Variants in GSDMC observed in about 807,000 individuals in gnomAD.
GSDMC encodes the protein gasdermin-C.
Under a neutral mutation model 58.0 loss-of-function variants are expected in GSDMC, and 59 were observed. That is an observed-to-expected ratio of 1.02 (90% CI 0.82 to 1.26). GSDMC has a LOEUF of 1.26. Among genes scored for constraint, GSDMC ranks in the 50% most tolerant of loss-of-function variants. GSDMC has a pLI of 0.00. For missense variants in GSDMC, 659 were observed against 598.5 expected (o/e 1.10, Z -1.06); for synonymous variants, 241 against 220.2 (o/e 1.09, Z -0.83).
chr8:129,723,020 C>G, the GSDMC span: 1 of 152,138 alleles, frequency 6.6e-6, no homozygotes, highest in African/African-American at 2.4e-5. Context: ...GTGTAAGCAC[C>G]ACTGAAAGCA....
At chr8:129,732,397 G>C in the GSDMC span, among the ~76,000 whole-genome samples, 15 of 151,404 alleles carry the variant, frequency 9.9e-5, no homozygotes, top group South Asian at 1.9e-3. Context: ...GGGGGGAAAA[G>C]GGAAAGAAAA....
chr8:129,706,765 T>G, the GSDMC span, among the ~76,000 whole-genome samples: 2 of 152,214 alleles, frequency 1.3e-5, no homozygotes, highest in African/African-American at 4.8e-5. Context: ...GAAGAGAGGC[T>G]ACATTGCTCT....
At chr8:129,730,646 C>T in the GSDMC span, among the ~76,000 whole-genome samples, 1 of 152,206 alleles carries the variant, frequency 6.6e-6, no homozygotes, top group African/African-American at 2.4e-5. Flanking sequence ...AGATGGTCCT[C>T]AATTTACATT....
the GSDMC span, chr8:129,728,840 G>A: frequency 2.5e-5 from 15 of 597,178 alleles, no homozygotes; most frequent in African/African-American, 5.4e-5. Flanking sequence ...GAGGTAGCCC[G>A]CTGCTGGAGA....
At chr8:129,767,482 C>G (rs183220843) in intron 3 of GSDMC, among the ~76,000 whole-genome samples, 15 of 152,256 alleles carry the variant, frequency 9.9e-5, no homozygotes, top group African/African-American at 2.9e-4. Flanking sequence ...ATGAAGGAGC[C>G]TGATCAAGAA....
At chr8:129,706,246 G>A in the GSDMC span, among the ~76,000 whole-genome samples, 14 of 151,968 alleles carry the variant, frequency 9.2e-5, no homozygotes, top group African/African-American at 3.4e-4. Context: ...GAATTACAGA[G>A]GGTTGCCAAC....
the GSDMC span, chr8:129,728,910 G>T: frequency 1.5e-6 from 1 of 662,560 alleles, no homozygotes; most frequent in South Asian, 1.5e-5. Context: ...AGGGTCTGAA[G>T]CCCATTTGAA....
At chr8:129,706,611 G>A in the GSDMC span, 4 of 152,266 alleles carry the variant, frequency 2.6e-5, no homozygotes, top group South Asian at 8.3e-4. Context: ...GTATATCTGT[G>A]GAAGGAATGA....
the GSDMC span, among the ~76,000 whole-genome samples, chr8:129,722,367 G>A: frequency 1.3e-5 from 2 of 152,156 alleles, no homozygotes; most frequent in African/African-American, 4.8e-5. Flanking sequence ...TAGCCCAACT[G>A]GACACCTTGG....
chr8:129,760,549 T>G lies in GSDMC; in HGVS notation c.717A>C (p.Gln239His). ...AGACCAGGCTTTGGAACTCACCATC[T>G]TGAAAGGTTCTCTGTTCATCATCAT... ...ISDDDEQRTF[Q>H]DEYEISEMVG... is the part of the protein sequence containing the mutation. Residue 239 changes from glutamine (Q) to histidine (H), a missense_variant, in exon 6 of 14, where the codon CAA becomes CAC. By Grantham distance (24) the Gln-to-His change is conservative (BLOSUM62 0). Transcript: ENST00000276708. 1 of 1,590,820 alleles carries G rather than the reference T, an allele frequency of 6.3e-7. No individual in the cohort carries two copies. Among genetic ancestry groups the G allele is most frequent in the Non-Finnish European group, 8.6e-7 (1 of 1,159,918 alleles).
At chr8:129,724,503 C>T in the GSDMC span, among the ~76,000 whole-genome samples, 1 of 151,300 alleles carries the variant, frequency 6.6e-6, no homozygotes, top group Non-Finnish European at 1.5e-5. Context: ...GAGATGACAG[C>T]TTATTAAAAT....
intron 4 of GSDMC, among the ~76,000 whole-genome samples, chr8:129,765,233 G>T (rs537466585): frequency 1.3e-5 from 2 of 152,242 alleles, no homozygotes; most frequent in African/African-American, 4.8e-5. Flanking sequence ...TTACCTTAGA[G>T]TTTAAAGTAC....
chr8:129,774,266 T>C (rs2034151653), intron 3 of GSDMC, among the ~76,000 whole-genome samples: 1 of 152,120 alleles, frequency 6.6e-6, no homozygotes, highest in Non-Finnish European at 1.5e-5. Context: ...GATCAACTAA[T>C]ATCTGACAAG....
chr8:129,731,779 C>T, the GSDMC span, among the ~76,000 whole-genome samples: 1 of 152,052 alleles, frequency 6.6e-6, no homozygotes, highest in Non-Finnish European at 1.5e-5. Flanking sequence ...AAAGTTTGAC[C>T]TTATAACTGG....
intron 1 of GSDMC, among the ~76,000 whole-genome samples, chr8:129,780,233 A>G (rs955885338): frequency 1.3e-5 from 2 of 152,192 alleles, no homozygotes; most frequent in African/African-American, 4.8e-5. Context: ...GTTTATGCAA[A>G]GGGAGAACTT....
chr8:129,749,710 G>A lies in GSDMC; in HGVS notation c.1214-185C>T, dbSNP rs563713452. On this transcript the variant is annotated intron_variant, in intron 12 of 13. Transcript: ENST00000276708. Reference sequence around the variant, plus strand: ...ATGGTCTCCAGGATGCTAAATAAGAGGGACCAGAGGACGGGATTCAGGGGC... The same window carrying A: ...ATGGTCTCCAGGATGCTAAATAAGAAGGACCAGAGGACGGGATTCAGGGGC... 5.7e-4 allele frequency among the ~76,000 whole-genome samples: 86 copies of A among 150,684 alleles called. 1 individual carries two copies. The highest frequency in any genetic ancestry group is 3.4e-3 in the Middle Eastern group (1 of 294).
chr8:129,722,472 C>T, the GSDMC span, among the ~76,000 whole-genome samples: 1 of 152,186 alleles, frequency 6.6e-6, no homozygotes, highest in East Asian at 1.9e-4. Flanking sequence ...AATTTGGCAG[C>T]TCTGAGTTTC....
intron 3 of GSDMC, among the ~76,000 whole-genome samples, chr8:129,769,118 A>AGAGGAGAGGAG (rs1563805770): frequency 6.6e-6 from 1 of 152,022 alleles, no homozygotes; most frequent in Admixed American, 6.6e-5. Context: ...AGAGGAGAGG[A>AGAGGAGAGGAG]AAAAATGGAA....
intron 1 of GSDMC, among the ~76,000 whole-genome samples, chr8:129,781,561 G>A (rs1042338234): frequency 1.2e-4 from 18 of 152,190 alleles, no homozygotes; most frequent in Admixed American, 3.9e-4. Flanking sequence ...TGGCTAACAC[G>A]GTGAAACCCT....
Sources: allele counts gnomAD v4.1 joint callset (sites outside exome capture counted in the v4.1 genomes callset), GRCh38; gene constraint gnomAD v4.1.1; transcripts MANE v1.5; gene names NCBI Gene and HGNC (gene_info 2026-07-23, HGNC 2026-07-21).